KCNG2: variants seen among roughly 807,000 people sequenced by gnomAD.
The protein encoded by KCNG2 is potassium voltage-gated channel modifier subfamily G member 2.
In KCNG2, 7 loss-of-function variants were observed where a neutral mutation model predicts 12.3. The ratio of observed to expected loss-of-function variants is 0.57; its 90% CI spans 0.32 to 1.07. The LOEUF (loss-of-function observed/expected upper bound fraction) is 1.07, where lower values mean the gene tolerates loss of function less well. Ranked by LOEUF, KCNG2 falls within the 50% of genes least tolerant of loss-of-function variation. KCNG2 has a pLI of 0.04. For missense variants in KCNG2, 703 were observed against 726.0 expected, an observed-to-expected ratio of 0.97 and a Z score of 0.36; for synonymous variants, 414 against 351.4, an observed-to-expected ratio of 1.18 and a Z score of -1.99.
intron 3 of KCNG2, among the ~76,000 whole-genome samples, chr18:79,889,746 C>T (rs963966774): frequency 4.6e-5 from 7 of 152,192 alleles, no homozygotes; most frequent in African/African-American, 7.2e-5. Flanking sequence ...CCTGCCTGAT[C>T]GTCCTGGCTG....
intron 1 of KCNG2, among the ~76,000 whole-genome samples, chr18:79,846,792 T>C (rs898343894): frequency 4.7e-4 from 72 of 152,354 alleles, no homozygotes; most frequent in East Asian, 1.3e-3. Context: ...AGATGGTTTT[T>C]CCAGTTGTCG....
At chr18:79,825,060 G>T (rs1001488766) in intron 1 of KCNG2, among the ~76,000 whole-genome samples, 1 of 147,826 alleles carries the variant, frequency 6.8e-6, no homozygotes, top group Non-Finnish European at 1.5e-5. Context: ...AATCTTGGGA[G>T]AATTCTCTGT....
chr18:79,871,821 C>T (rs549455510), intron 3 of KCNG2, among the ~76,000 whole-genome samples: 20 of 152,372 alleles, frequency 1.3e-4, no homozygotes, highest in African/African-American at 3.6e-4. Flanking sequence ...AGCAAAGCTG[C>T]GGCTGCTCTT....
At chr18:79,867,285 A>T (rs1168977352) in intron 3 of KCNG2, among the ~76,000 whole-genome samples, 1 of 151,750 alleles carries the variant, frequency 6.6e-6, no homozygotes, top group Non-Finnish European at 1.5e-5. Flanking sequence ...CTGTCCCACT[A>T]ACCTGACAAG....
At chr18:79,828,947 CTG>C (rs145772349) in intron 1 of KCNG2, among the ~76,000 whole-genome samples, 15,737 of 102,632 alleles carry the variant, frequency 0.15, 2,261 homozygotes, top group African/African-American at 0.22. Flanking sequence ...TGTAACGTGT[CTG>C]TGTGTGCATG....
chr18:79,900,053 T>TTTAA lies in KCNG2; in HGVS notation c.*240_*243dup, dbSNP rs1489738744. On this transcript the variant is annotated 3_prime_UTR_variant, in exon 4 of 4. Transcript: ENST00000316249. ...CCTGCCCCACCCCTTTCCTTGGATT[T>TTTAA]TTAATTTTCTACGCCTAGCTAAAAA... is the stretch of plus-strand genomic sequence containing the variant. 4 of 366,556 alleles carry TTTAA rather than the reference T, an allele frequency of 1.1e-5. No homozygotes were observed. The highest frequency in any genetic ancestry group is 1.9e-5 in the Non-Finnish European group (4 of 206,692). 22.7% of individuals were successfully genotyped at this position (366,556 alleles called of 1,614,324 possible). A position where few individuals can be genotyped will look rare whatever the true frequency, so the allele number is the denominator to read the frequency against.
intron 3 of KCNG2, among the ~76,000 whole-genome samples, chr18:79,880,050 G>A (rs962425333): frequency 2.0e-5 from 3 of 152,178 alleles, no homozygotes; most frequent in African/African-American, 4.8e-5. Flanking sequence ...CACTGTGAAC[G>A]CGCATGAGTT....
chr18:79,829,279 T>C (rs1240004983), intron 1 of KCNG2, among the ~76,000 whole-genome samples: 1 of 151,834 alleles, frequency 6.6e-6, no homozygotes, highest in Non-Finnish European at 1.5e-5. Flanking sequence ...CATGTGTCTG[T>C]GTGTGTGTCT....
rs756192820 is a variant in KCNG2, at chr18:79,899,345, G to A, written c.930G>A (p.Ser310=). The A allele has an allele frequency of 2.6e-6, 4 of 1,553,454 alleles. No individual in the cohort carries two copies. The highest frequency in any genetic ancestry group is 2.4e-5 in the East Asian group (1 of 41,910). ...RLARHSLGLR[S]LGLTMRRCAR... ...CGCGCCACTCGCTGGGGCTGCGTTC[G>A]CTGGGCCTGACCATGCGCCGCTGCG... Residue 310 remains serine (S), a synonymous_variant, in exon 4 of 4, where the codon TCG becomes TCA. Transcript: ENST00000316249.
intron 3 of KCNG2, among the ~76,000 whole-genome samples, chr18:79,887,213 A>C (rs1038879173): frequency 6.6e-6 from 1 of 151,126 alleles, no homozygotes; most frequent in African/African-American, 2.4e-5. Flanking sequence ...GGACACGGGG[A>C]TATAGGGTCA....
chr18:79,845,076 T>C (rs1272663586), intron 1 of KCNG2, among the ~76,000 whole-genome samples: 2 of 152,230 alleles, frequency 1.3e-5, no homozygotes, highest in African/African-American at 2.4e-5. Context: ...CATGGAATAC[T>C]ACTCTGCAGT....
intron 1 of KCNG2, among the ~76,000 whole-genome samples, chr18:79,854,478 G>A (rs553632871): frequency 2.2e-4 from 33 of 151,424 alleles, no homozygotes; most frequent in Non-Finnish European, 3.1e-4. Context: ...TAGACCTCCT[G>A]CCTTCCGTAA....
chr18:79,807,233 G>A (rs1194220872), intron 1 of KCNG2, among the ~76,000 whole-genome samples: 2 of 152,170 alleles, frequency 1.3e-5, no homozygotes, highest in African/African-American at 2.4e-5. Context: ...GGAGCTCGTC[G>A]CGTAGTCTGA....
At position 79,856,370 on chromosome 18, in the gene KCNG2, A is replaced by G. The variant is rs953512268; in HGVS notation, c.-114-9A>G. ...TCCCTTAGGGTGAAACTGGATGTTC[A>G]TTTTCCAGGTCGAAGCCGCTGGTCT... On this transcript the variant is annotated splice_polypyrimidine_tract_variant and intron_variant, in intron 1 of 3. Transcript: ENST00000316249. Among the ~76,000 whole-genome samples the G allele has an allele frequency of 6.6e-6, 1 of 152,096 alleles. No individual in the cohort carries two copies. The highest frequency in any genetic ancestry group is 2.4e-5 in the African/African-American group (1 of 41,408).
At chr18:79,855,945 C>T (rs1978993823) in intron 1 of KCNG2, among the ~76,000 whole-genome samples, 1 of 152,100 alleles carries the variant, frequency 6.6e-6, no homozygotes, top group South Asian at 2.1e-4. Context: ...TGTCAGTTGG[C>T]CCATTTTTTC....
chr18:79,849,257 T>C (rs1329013383), intron 1 of KCNG2, among the ~76,000 whole-genome samples: 1 of 152,174 alleles, frequency 6.6e-6, no homozygotes, highest in African/African-American at 2.4e-5. Flanking sequence ...CCCTAATTCC[T>C]TTATTCGGAA....
At chr18:79,872,918 C>T (rs928212720) in intron 3 of KCNG2, among the ~76,000 whole-genome samples, 5 of 151,106 alleles carry the variant, frequency 3.3e-5, no homozygotes, top group Admixed American at 1.3e-4. Context: ...CCCTGTGTGG[C>T]GGCCGTGGGG....
chr18:79,852,759 G>A (rs890788071), intron 1 of KCNG2, among the ~76,000 whole-genome samples: 3 of 152,242 alleles, frequency 2.0e-5, no homozygotes, highest in African/African-American at 7.2e-5. Flanking sequence ...GCCAATCAGG[G>A]GCGGAGCCGT....
intron 1 of KCNG2, among the ~76,000 whole-genome samples, chr18:79,851,469 T>C (rs1038354788): frequency 5.3e-5 from 8 of 152,180 alleles, no homozygotes; most frequent in South Asian, 2.1e-4. Context: ...ATGGAGTAGC[T>C]CCGGCTGGAG....
Sources: allele counts gnomAD v4.1 joint callset (sites outside exome capture counted in the v4.1 genomes callset), GRCh38; gene constraint gnomAD v4.1.1; transcripts MANE v1.5; gene names NCBI Gene and HGNC (gene_info 2026-07-23, HGNC 2026-07-21).